Variants in SNTB1 observed in about 807,000 individuals in gnomAD.
SNTB1 encodes beta-1-syntrophin.
Under a neutral mutation model 48.9 loss-of-function variants are expected in SNTB1, and 36 were observed. The observed-to-expected ratio is 0.74, with a 90% CI of 0.56 to 0.97. SNTB1 has a LOEUF of 0.97. SNTB1 is among the 50% of genes least tolerant of loss of function. The pLI is 0.00. For synonymous variants in SNTB1, 299 were observed against 294.6 expected, an observed-to-expected ratio of 1.01 and a Z score of -0.15; for missense variants, 786 against 703.4, an observed-to-expected ratio of 1.12 and a Z score of -1.33.
intron 1 of SNTB1, among the ~76,000 whole-genome samples, chr8:120,733,301 G>T (rs192297484): frequency 3.9e-5 from 6 of 152,320 alleles, no homozygotes; most frequent in Admixed American, 6.5e-5. Flanking sequence ...TCTGGCTGTG[G>T]TTTTAAATTG....
At position 120,550,708 on chromosome 8, in the gene SNTB1, TATA is replaced by T. The variant is rs1243385854; in HGVS notation, c.1137-1753_1137-1751del. The stretch of plus-strand genomic sequence containing the variant: ...TCATTCAGGAGGGAGGAGGGCATTT[TATA>T]ATAAGTGAGCAAGAGTCACTGAGAA... On this transcript the variant is annotated intron_variant, in intron 4 of 6. Coordinates refer to ENST00000517992, the MANE Select transcript of SNTB1 (RefSeq NM_021021.4). Among the ~76,000 whole-genome samples the T allele has an allele frequency of 9.2e-5, 14 of 152,284 alleles. No individual in the cohort carries two copies. The East Asian group carries it at 2.7e-3, about 29-fold the overall frequency.
chr8:120,700,156 CGT>C lies in SNTB1; in HGVS notation c.572-6250_572-6249del, dbSNP rs58077307. Among the ~76,000 whole-genome samples the C allele has an allele frequency of 4.7e-3, 694 of 149,052 alleles. 3 individuals carry two copies. The highest frequency in any genetic ancestry group is 0.015 in the African/African-American group (615 of 40,606). Reference sequence around the variant, plus strand: ...TGATTCTCGCTCTGAAAAAAAATTGCGTGTGTGTGTGTGTGTGTGTGTTTGTG... The same window carrying C: ...TGATTCTCGCTCTGAAAAAAAATTGCGTGTGTGTGTGTGTGTGTGTTTGTG... On this transcript the variant is annotated intron_variant, in intron 1 of 6. Coordinates refer to ENST00000517992, the MANE Select transcript of SNTB1 (RefSeq NM_021021.4).
chr8:120,560,003 A>T (rs1719703576), intron 4 of SNTB1, among the ~76,000 whole-genome samples: 1 of 152,080 alleles, frequency 6.6e-6, no homozygotes, highest in Non-Finnish European at 1.5e-5. Flanking sequence ...ACTTTCATCC[A>T]CTGGCCACCC....
At chr8:120,766,937 C>A (rs903542430) in intron 1 of SNTB1, among the ~76,000 whole-genome samples, 8 of 152,144 alleles carry the variant, frequency 5.3e-5, no homozygotes, top group African/African-American at 1.9e-4. Flanking sequence ...AGAAGCCAGG[C>A]ATCTTATTTC....
chr8:120,546,590 C>A (rs542831797), intron 5 of SNTB1, among the ~76,000 whole-genome samples: 3 of 152,142 alleles, frequency 2.0e-5, no homozygotes, highest in Admixed American at 2.0e-4. Context: ...ATTTTCCTGC[C>A]TCCCAAGTAG....
At chr8:120,797,164 T>C (rs965654366) in intron 1 of SNTB1, among the ~76,000 whole-genome samples, 11 of 152,020 alleles carry the variant, frequency 7.2e-5, no homozygotes, top group African/African-American at 2.7e-4. Context: ...TACAGAGTGA[T>C]AAACACACCG....
At position 120,811,260 on chromosome 8, in the gene SNTB1, G is replaced by A; in HGVS notation, c.571+13C>T. 1.9e-6 allele frequency: 3 copies of A among 1,581,890 alleles called. No individual in the cohort carries two copies. The highest frequency in any genetic ancestry group is 2.6e-6 in the Non-Finnish European group (3 of 1,170,500). ...GCGCGCCCGGCGCGGCCCGCGCGCTGTTAACCCCTTACCTTCCAGCAGCAC... is the reference window on the plus strand; with the variant it reads ...GCGCGCCCGGCGCGGCCCGCGCGCTATTAACCCCTTACCTTCCAGCAGCAC... On this transcript the variant is annotated intron_variant, in intron 1 of 6. Transcript: ENST00000517992.
chr8:120,630,698 C>T (rs1227917266), intron 3 of SNTB1, among the ~76,000 whole-genome samples: 1 of 152,092 alleles, frequency 6.6e-6, no homozygotes, highest in Admixed American at 6.6e-5. Flanking sequence ...TTGCACAGCA[C>T]CTGATTTTTT....
chr8:120,594,053 CTTTATTTA>C (rs147532780), intron 3 of SNTB1, among the ~76,000 whole-genome samples: 5 of 150,714 alleles, frequency 3.3e-5, no homozygotes, highest in South Asian at 2.1e-4. Context: ...CAGTACATGT[CTTTATTTA>C]TTTATTTATT....
intron 4 of SNTB1, among the ~76,000 whole-genome samples, chr8:120,560,082 C>T (rs1815627407): frequency 6.6e-6 from 1 of 152,178 alleles, no homozygotes. Context: ...CTAACAAGTA[C>T]CAAATTGTCA....
intron 3 of SNTB1, among the ~76,000 whole-genome samples, chr8:120,588,616 C>T (rs1420083796): frequency 6.6e-6 from 1 of 152,094 alleles, no homozygotes; most frequent in Admixed American, 6.5e-5. Flanking sequence ...TTCTAGTTTG[C>T]AACTCAGCTT....
intron 1 of SNTB1, among the ~76,000 whole-genome samples, chr8:120,700,713 G>C (rs1348037203): frequency 6.6e-6 from 1 of 152,148 alleles, no homozygotes; most frequent in Non-Finnish European, 1.5e-5. Flanking sequence ...GTACAAATTT[G>C]CTAAGGCTCC....
chr8:120,749,165 G>A (rs754708152), intron 1 of SNTB1, among the ~76,000 whole-genome samples: 2 of 152,122 alleles, frequency 1.3e-5, no homozygotes, highest in African/African-American at 2.4e-5. Context: ...ACGAGAAGAC[G>A]TCCTTCAACA....
intron 1 of SNTB1, among the ~76,000 whole-genome samples, chr8:120,709,074 A>C (rs1818421706): frequency 6.6e-6 from 1 of 152,040 alleles, no homozygotes; most frequent in African/African-American, 2.4e-5. Flanking sequence ...GAGAGTGAAA[A>C]AATGGAAGGA....
chr8:120,666,058 A>G (rs1028924017), intron 2 of SNTB1, among the ~76,000 whole-genome samples: 4 of 152,116 alleles, frequency 2.6e-5, no homozygotes, highest in African/African-American at 9.7e-5. Context: ...TTGTATTTCT[A>G]TATGAATTTT....
At chr8:120,644,487 T>G (rs181879145) in intron 2 of SNTB1, among the ~76,000 whole-genome samples, 1 of 152,128 alleles carries the variant, frequency 6.6e-6, no homozygotes, top group African/African-American at 2.4e-5. Context: ...ACAAAGGACA[T>G]GAACTCATCA....
intron 1 of SNTB1, among the ~76,000 whole-genome samples, chr8:120,707,969 T>A (rs1338765595): frequency 6.6e-6 from 1 of 151,856 alleles, no homozygotes; most frequent in Admixed American, 6.6e-5. Context: ...ATTCCACATG[T>A]GCCATAAGAA....
chr8:120,797,479 G>T (rs1168743454), intron 1 of SNTB1, among the ~76,000 whole-genome samples: 1 of 142,802 alleles, frequency 7.0e-6, no homozygotes, highest in African/African-American at 2.6e-5. Context: ...TTGAGTAGTT[G>T]TTGACCCAAA....
At chr8:120,553,696 T>G (rs1357619820) in intron 4 of SNTB1, among the ~76,000 whole-genome samples, 1 of 152,182 alleles carries the variant, frequency 6.6e-6, no homozygotes, top group Non-Finnish European at 1.5e-5. Context: ...TTTTAAAAAA[T>G]TCTTAAAATT....
Sources: gnomAD v4.1 joint callset for allele counts (sites outside exome capture counted in the v4.1 genomes callset) on GRCh38, gnomAD v4.1.1 for gene constraint, MANE v1.5 for transcripts, NCBI Gene and HGNC (gene_info 2026-07-23, HGNC 2026-07-21) for gene names.